TMEM74: variants seen among roughly 807,000 people sequenced by gnomAD.
TMEM74 encodes transmembrane protein 74.
TMEM74 carries 13 observed loss-of-function variants against 18.1 expected under a neutral mutation model. The ratio of observed to expected loss-of-function variants is 0.72; its 90% CI spans 0.47 to 1.14. The LOEUF (loss-of-function observed/expected upper bound fraction) is 1.14, where lower values mean the gene tolerates loss of function less well. TMEM74 is among the 50% of genes most tolerant of loss of function. The pLI is 0.00. For missense variants in TMEM74, 372 were observed against 375.9 expected (o/e 0.99, Z 0.09); for synonymous variants, 159 against 146.6 (o/e 1.08, Z -0.61).
At chr8:108,737,390 C>T (rs1474780602) in intron 1 of TMEM74, among the ~76,000 whole-genome samples, 3 of 152,164 alleles carry the variant, frequency 2.0e-5, no homozygotes, top group Admixed American at 2.0e-4. Flanking sequence ...ATCAAATCAA[C>T]TTGGTAACAT....
At chr8:108,648,926 CTG>C (rs1313268468) in intron 2 of TMEM74, among the ~76,000 whole-genome samples, 1 of 152,128 alleles carries the variant, frequency 6.6e-6, no homozygotes, top group African/African-American at 2.4e-5. Flanking sequence ...AAACAATACA[CTG>C]ATCTACAAGT....
intron 1 of TMEM74, among the ~76,000 whole-genome samples, chr8:108,673,714 G>A (rs1813026079): frequency 6.6e-6 from 1 of 152,206 alleles, no homozygotes; most frequent in Non-Finnish European, 1.5e-5. Context: ...GAGAAAAGTA[G>A]AGGGGACAAA....
At chr8:108,673,518 C>T (rs188432599) in intron 1 of TMEM74, among the ~76,000 whole-genome samples, 9 of 152,244 alleles carry the variant, frequency 5.9e-5, no homozygotes, top group Admixed American at 2.0e-4. Context: ...ACATCTCTCA[C>T]GATGGCAGGG....
At chr8:108,750,925 A>T (rs1485936107) in intron 1 of TMEM74, among the ~76,000 whole-genome samples, 2 of 152,072 alleles carry the variant, frequency 1.3e-5, no homozygotes, top group Non-Finnish European at 2.9e-5. Context: ...AAAGCCTTTT[A>T]AATAAACTTC....
chr8:108,709,762 A>T (rs1813456770), intron 1 of TMEM74, among the ~76,000 whole-genome samples: 1 of 152,196 alleles, frequency 6.6e-6, no homozygotes, highest in East Asian at 1.9e-4. Context: ...AAAATTTGTG[A>T]GGTGTTGGAC....
intron 2 of TMEM74, among the ~76,000 whole-genome samples, chr8:108,639,999 A>G (rs1812647168): frequency 6.6e-6 from 1 of 152,096 alleles, no homozygotes; most frequent in Non-Finnish European, 1.5e-5. Flanking sequence ...ACGCAGGGAA[A>G]GAAGTAGTAC....
chr8:108,769,715 T>C (rs1377387328), intron 1 of TMEM74, among the ~76,000 whole-genome samples: 3 of 152,150 alleles, frequency 2.0e-5, no homozygotes, highest in Non-Finnish European at 2.9e-5. Flanking sequence ...CCTGGGCTTC[T>C]CTCTCTACTA....
At chr8:108,707,803 C>T (rs1253473825) in intron 1 of TMEM74, among the ~76,000 whole-genome samples, 2 of 152,116 alleles carry the variant, frequency 1.3e-5, no homozygotes, top group Admixed American at 6.5e-5. Context: ...TTGGATATGA[C>T]ACCAAAAGCA....
rs184431395 is a variant in TMEM74, at chr8:108,731,211, G to A, written n.119+56265C>T. Among the ~76,000 whole-genome samples, 11 of 151,262 alleles carry A rather than the reference G, an allele frequency of 7.3e-5. No homozygotes were observed. In the East Asian group the frequency reaches 1.8e-3, roughly 24 times the overall value. On this transcript the variant is annotated intron_variant and non_coding_transcript_variant, in intron 1 of 3. Coordinates refer to the TMEM74 transcript ENST00000518838. Reference sequence around the variant, plus strand: ...GTTGAGTAAATTGCTATTTCATGTCGTTATCCACCACCGCCCCCCATCCCC... The same window carrying A: ...GTTGAGTAAATTGCTATTTCATGTCATTATCCACCACCGCCCCCCATCCCC...
chr8:108,769,043 C>T (rs1814142178), intron 1 of TMEM74, among the ~76,000 whole-genome samples: 1 of 152,030 alleles, frequency 6.6e-6, no homozygotes, highest in South Asian at 2.1e-4. Context: ...AGGCTCACGC[C>T]TATAATCCTA....
chr8:108,681,112 A>G (rs1476397939), intron 1 of TMEM74, among the ~76,000 whole-genome samples: 1 of 152,216 alleles, frequency 6.6e-6, no homozygotes, highest in Non-Finnish European at 1.5e-5. Flanking sequence ...TCTAGATTCA[A>G]TGCCATCCCC....
chr8:108,679,518 A>G (rs1813090885), intron 1 of TMEM74, among the ~76,000 whole-genome samples: 1 of 152,094 alleles, frequency 6.6e-6, no homozygotes, highest in South Asian at 2.1e-4. Context: ...GCATTTTTTC[A>G]TGTGTCTTTT....
chr8:108,761,561 C>T (rs1044566828), intron 1 of TMEM74, among the ~76,000 whole-genome samples: 1 of 152,082 alleles, frequency 6.6e-6, no homozygotes, highest in African/African-American at 2.4e-5. Flanking sequence ...GCCTCTTATT[C>T]GTGTTCAGGA....
At chr8:108,682,378 T>A (rs900078990) in intron 1 of TMEM74, among the ~76,000 whole-genome samples, 8 of 152,128 alleles carry the variant, frequency 5.3e-5, no homozygotes, top group African/African-American at 4.8e-5. Flanking sequence ...GATTTCTTCA[T>A]CTAAATTATT....
chr8:108,708,071 TTGTGTCCA>T (rs1327334557), intron 1 of TMEM74, among the ~76,000 whole-genome samples: 1 of 152,140 alleles, frequency 6.6e-6, no homozygotes, highest in Non-Finnish European at 1.5e-5. Context: ...GTTCTCTTCT[TTGTGTCCA>T]TGAGTACCCA....
chr8:108,636,418 AGAGAAAGATG>A, intron 2 of TMEM74, among the ~76,000 whole-genome samples: 1 of 152,240 alleles, frequency 6.6e-6, no homozygotes, highest in East Asian at 1.9e-4. Context: ...CATTAAGATC[AGAGAAAGATG>A]GCACTTAGCA....
chr8:108,738,315 C>A (rs976703690), intron 1 of TMEM74, among the ~76,000 whole-genome samples: 2 of 152,122 alleles, frequency 1.3e-5, no homozygotes, highest in Non-Finnish European at 2.9e-5. Context: ...CCATTTAGTG[C>A]AGAAACTATG....
chr8:108,760,173 AGG>A (rs1491467540), intron 1 of TMEM74, among the ~76,000 whole-genome samples: 7 of 149,064 alleles, frequency 4.7e-5, no homozygotes, highest in African/African-American at 1.2e-4. Context: ...AGAGAGAGAG[AGG>A]GAGAGAGAGA....
chr8:108,742,141 G>T (rs567308740), intron 1 of TMEM74, among the ~76,000 whole-genome samples: 1 of 151,940 alleles, frequency 6.6e-6, no homozygotes, highest in Non-Finnish European at 1.5e-5. Context: ...CACTGGGGTC[G>T]GGTTGAGGGT....
Sources: allele counts gnomAD v4.1 joint callset (sites outside exome capture counted in the v4.1 genomes callset), GRCh38; gene constraint gnomAD v4.1.1; transcripts MANE v1.5; gene names NCBI Gene and HGNC (gene_info 2026-07-23, HGNC 2026-07-21).